Variants in ADAMTS17 observed in about 807,000 individuals in gnomAD.
ADAMTS17 encodes the protein A disintegrin and metalloproteinase with thrombospondin motifs 17.
In ADAMTS17, 113 loss-of-function variants were observed where a neutral mutation model predicts 141.5. The ratio of observed to expected loss-of-function variants is 0.80; its 90% confidence interval spans 0.69 to 0.93. ADAMTS17 has a LOEUF of 0.93. ADAMTS17 is among the 40% of genes least tolerant of loss of function. ADAMTS17 has a pLI of 0.00. For missense variants in ADAMTS17, 1,659 were observed against 1,517.9 expected (o/e 1.09, Z -1.54); for synonymous variants, 768 against 630.6 (o/e 1.22, Z -3.27).
At chr15:100,097,582 C>A (rs569175237) in intron 14 of ADAMTS17, among the ~76,000 whole-genome samples, 1 of 152,258 alleles carries the variant, frequency 6.6e-6, no homozygotes. Flanking sequence ...CCCACAACTC[C>A]CCAAAGACAT....
intron 10 of ADAMTS17, among the ~76,000 whole-genome samples, chr15:100,144,992 A>T (rs2038833167): frequency 6.6e-6 from 1 of 152,216 alleles, no homozygotes; most frequent in Admixed American, 6.5e-5. Context: ...TAAAAAGCAA[A>T]TGTTCAACTC....
intron 18 of ADAMTS17, among the ~76,000 whole-genome samples, chr15:100,019,340 C>T (rs892903): frequency 0.12 from 18,259 of 152,086 alleles, 2,842 homozygotes; most frequent in African/African-American, 0.36. Flanking sequence ...GGACTTCCAA[C>T]GTATCTGTAA....
chr15:100,145,983 G>T (rs891060499), intron 10 of ADAMTS17, among the ~76,000 whole-genome samples: 1 of 152,184 alleles, frequency 6.6e-6, no homozygotes, highest in African/African-American at 2.4e-5. Context: ...GACCAGCCTA[G>T]CCAACACGGT....
In ADAMTS17 at chr15:100,161,426, G is replaced by A. The variant is rs58726680; in HGVS notation, c.1182-6106C>T. On this transcript the variant is annotated intron_variant, in intron 8 of 21. Coordinates refer to ENST00000268070, the MANE Select transcript of ADAMTS17 (RefSeq NM_139057.4). ...GGCTGAGTCTGTGGAATGAATCCCC[G>A]GAGTGGGATGAAGAGCTTGGGCTCC... Among the ~76,000 whole-genome samples, 1,394 of 152,278 alleles carry A rather than the reference G, an allele frequency of 9.2e-3. 25 individuals carry two copies. Among genetic ancestry groups the A allele is most frequent in the East Asian group, 0.049 (256 of 5,180 alleles).
intron 7 of ADAMTS17, among the ~76,000 whole-genome samples, chr15:100,243,312 C>T (rs948956170): frequency 6.6e-6 from 1 of 152,132 alleles, no homozygotes. Flanking sequence ...TATCTGAGTC[C>T]CTGCTTTCAA....
At chr15:100,244,658 G>A (rs1002481937) in intron 7 of ADAMTS17, among the ~76,000 whole-genome samples, 1 of 152,076 alleles carries the variant, frequency 6.6e-6, no homozygotes, top group Non-Finnish European at 1.5e-5. Flanking sequence ...GCCCCTGCAG[G>A]TGGTAAACAG....
At position 100,012,035 on chromosome 15, in the gene ADAMTS17, G is replaced by A. The variant is rs545451818; in HGVS notation, c.2592-14446C>T. Among the ~76,000 whole-genome samples, 13 of 152,230 alleles carry A rather than the reference G, an allele frequency of 8.5e-5. No individual in the cohort carries two copies. The South Asian group carries it at 1.2e-3, about 15-fold the overall frequency. On this transcript the variant is annotated intron_variant, in intron 18 of 21. Coordinates refer to ENST00000268070, the MANE Select transcript of ADAMTS17 (RefSeq NM_139057.4). ...CAGTGTAGAAGTGTTCCCTGATCAC[G>A]GCATCCATGTCAACATCTACTGTTT...
intron 18 of ADAMTS17, among the ~76,000 whole-genome samples, chr15:100,046,611 C>A (rs1596296003): frequency 6.6e-6 from 1 of 152,160 alleles, no homozygotes; most frequent in Non-Finnish European, 1.5e-5. Flanking sequence ...TTTATTAGTT[C>A]CCCAAATAAA....
At chr15:100,119,659 A>T (rs1015792030) in intron 12 of ADAMTS17, among the ~76,000 whole-genome samples, 30 of 152,204 alleles carry the variant, frequency 2.0e-4, no homozygotes, top group African/African-American at 6.8e-4. Context: ...GATGTAAGAG[A>T]ACTGGATCCA....
rs552405609 is a variant in ADAMTS17, at chr15:100,324,300, G to A, written c.616+6589C>T. On this transcript the variant is annotated intron_variant, in intron 3 of 21. Coordinates refer to ENST00000268070, the MANE Select transcript of ADAMTS17 (RefSeq NM_139057.4). ...AGCCAGGGTGACAGAGTGAGACTCC[G>A]TCTCAAATAAATAAATAAATAGAAA... is the stretch of plus-strand genomic sequence containing the variant. 1.1e-4 allele frequency among the ~76,000 whole-genome samples: 17 copies of A among 152,112 alleles called. No individual in the cohort carries two copies. The East Asian group carries it at 1.4e-3, about 12-fold the overall frequency.
intron 3 of ADAMTS17, among the ~76,000 whole-genome samples, chr15:100,295,260 A>G (rs894435925): frequency 6.6e-6 from 1 of 152,138 alleles, no homozygotes; most frequent in Non-Finnish European, 1.5e-5. Context: ...CTTGTCTCCC[A>G]GCCCCTCTTC....
At chr15:100,011,800 G>A (rs2061189036) in intron 18 of ADAMTS17, among the ~76,000 whole-genome samples, 2 of 152,232 alleles carry the variant, frequency 1.3e-5, no homozygotes. Context: ...CTTGTTGACT[G>A]ATGGGCATTT....
intron 9 of ADAMTS17, among the ~76,000 whole-genome samples, chr15:100,154,960 C>T (rs916275261): frequency 3.3e-5 from 5 of 152,204 alleles, no homozygotes; most frequent in African/African-American, 7.2e-5. Flanking sequence ...TCGGCAATTA[C>T]GTAATGATCA....
rs2033806054 is a variant in ADAMTS17 at position 100,069,424 on chromosome 15, T to A, written c.2138-15370A>T. On this transcript the variant is annotated intron_variant, in intron 15 of 21. Transcript: ENST00000268070. ...AAAGATACTCCTTGAGAAGAGTAAC[T>A]CCAAGACACATAATTGTCAGATTCA... Among the ~76,000 whole-genome samples, 3 of 151,998 alleles carry A rather than the reference T, an allele frequency of 2.0e-5. No homozygotes were observed. In the South Asian group the frequency reaches 6.2e-4, roughly 31 times the overall value.
Position 100,064,889 on chromosome 15 carries a change from C to T in ADAMTS17, c.2138-10835G>A, listed in dbSNP as rs187640385. The stretch of plus-strand genomic sequence containing the variant: ...TTGGGATTTAGACAAGCGTATTAGG[C>T]GTTTGTTTCTGCGATTCAGATGAGG... On this transcript the variant is annotated intron_variant, in intron 15 of 21. Coordinates refer to ENST00000268070, the MANE Select transcript of ADAMTS17 (RefSeq NM_139057.4). Among the ~76,000 whole-genome samples the T allele has an allele frequency of 2.4e-3, 362 of 152,228 alleles. 4 individuals are homozygous for T. The highest frequency in any genetic ancestry group is 4.5e-3 in the Non-Finnish European group (306 of 68,010).
chr15:100,113,747 C>T (rs2036934943), intron 13 of ADAMTS17, among the ~76,000 whole-genome samples: 1 of 152,224 alleles, frequency 6.6e-6, no homozygotes, highest in South Asian at 2.1e-4. Context: ...ATTAAGCGGC[C>T]CCAGCTGGCT....
chr15:100,264,135 T>A (rs1301695260), intron 4 of ADAMTS17, among the ~76,000 whole-genome samples: 1 of 152,232 alleles, frequency 6.6e-6, no homozygotes, highest in Non-Finnish European at 1.5e-5. Context: ...CTGTTCTCAC[T>A]TCTGCGATTT....
chr15:100,292,557 T>C (rs2044681776), intron 3 of ADAMTS17, among the ~76,000 whole-genome samples: 2 of 152,148 alleles, frequency 1.3e-5, no homozygotes, highest in African/African-American at 2.4e-5. Flanking sequence ...TGAGAGACAC[T>C]CACCCCGTGT....
intron 3 of ADAMTS17, among the ~76,000 whole-genome samples, chr15:100,316,122 T>C (rs2141882108): frequency 6.6e-6 from 1 of 152,362 alleles, no homozygotes; most frequent in African/African-American, 2.4e-5. Flanking sequence ...ACAAACTTTC[T>C]TAAGTTACTA....
Sources: allele counts gnomAD v4.1 joint callset (sites outside exome capture counted in the v4.1 genomes callset), GRCh38; gene constraint gnomAD v4.1.1; transcripts MANE v1.5; gene names NCBI Gene and HGNC (gene_info 2026-07-23, HGNC 2026-07-21).